The following PAPPA2 variants were observed in gnomAD, a reference collection of about 807,000 sequenced individuals.
PAPPA2 encodes pappalysin 2.
PAPPA2 carries 86 observed loss-of-function variants against 176.4 expected under a neutral mutation model. The observed-to-expected ratio is 0.49, with a 90% confidence interval of 0.41 to 0.58. The LOEUF (loss-of-function observed/expected upper bound fraction) is 0.58. Ranked by LOEUF, PAPPA2 falls within the 20% of genes least tolerant of loss-of-function variation. The probability of loss-of-function intolerance (pLI) is 0.00; values close to 1 mark genes in which losing one functional copy is unlikely to be tolerated. For synonymous variants in PAPPA2, 809 were observed against 852.2 expected, an observed-to-expected ratio of 0.95 and a Z score of 0.88; for missense variants, 2,073 against 2,256.9, an observed-to-expected ratio of 0.92 and a Z score of 1.65.
At chr1:176,565,292 T>C (rs1651899118) in intron 2 of PAPPA2, among the ~76,000 whole-genome samples, 1 of 152,178 alleles carries the variant, frequency 6.6e-6, no homozygotes, top group African/African-American at 2.4e-5. Context: ...GGTCATATGG[T>C]TGCTATATAT....
intron 1 of PAPPA2, among the ~76,000 whole-genome samples, chr1:176,475,607 G>C (rs1264581610): frequency 3.3e-5 from 5 of 152,192 alleles, no homozygotes; most frequent in Non-Finnish European, 5.9e-5. Context: ...AAAAATGCCA[G>C]ACATATTTAC....
chr1:176,704,307 A>G (rs933042457), intron 9 of PAPPA2, among the ~76,000 whole-genome samples: 2 of 152,200 alleles, frequency 1.3e-5, no homozygotes, highest in African/African-American at 4.8e-5. Flanking sequence ...TAGCACTTCC[A>G]TCCAATGGGA....
intron 3 of PAPPA2, among the ~76,000 whole-genome samples, chr1:176,661,612 C>T (rs543616169): frequency 4.0e-5 from 6 of 151,046 alleles, no homozygotes; most frequent in Admixed American, 2.0e-4. Flanking sequence ...TGGCTGGATG[C>T]GGGAACACTA....
At chr1:176,741,722 G>A (rs554308822) in intron 14 of PAPPA2, among the ~76,000 whole-genome samples, 3 of 152,118 alleles carry the variant, frequency 2.0e-5, no homozygotes, top group Admixed American at 1.3e-4. Flanking sequence ...ACAGTAAGGG[G>A]TAATGAATGT....
At position 176,631,711 on chromosome 1, in the gene PAPPA2, C is replaced by T. The variant is rs137875478; in HGVS notation, c.1991+36116C>T. 1.4e-4 allele frequency among the ~76,000 whole-genome samples: 21 copies of T among 151,998 alleles called. 1 individual carries two copies. The East Asian group carries it at 2.5e-3, about 18-fold the overall frequency. On this transcript the variant is annotated intron_variant, in intron 3 of 22. Transcript: ENST00000367662. ...AGGAGGAGTGAAATACAGATGACAGCGGGTAAGAGTGAATGGAAAGTGAAA... is the reference window on the plus strand; with the variant it reads ...AGGAGGAGTGAAATACAGATGACAGTGGGTAAGAGTGAATGGAAAGTGAAA...
chr1:176,729,012 G>C (rs368698585), intron 12 of PAPPA2, among the ~76,000 whole-genome samples: 8 of 151,786 alleles, frequency 5.3e-5, no homozygotes, highest in African/African-American at 1.7e-4. Context: ...ATGGGGTATA[G>C]CATCCTTTAC....
At chr1:176,573,021 G>C (rs1638737244) in intron 2 of PAPPA2, among the ~76,000 whole-genome samples, 1 of 152,162 alleles carries the variant, frequency 6.6e-6, no homozygotes, top group African/African-American at 2.4e-5. Flanking sequence ...CCGGGAAATT[G>C]GTGTGGTGCT....
chr1:176,811,025 T>G (rs953279326), intron 21 of PAPPA2, among the ~76,000 whole-genome samples: 4 of 152,182 alleles, frequency 2.6e-5, no homozygotes, highest in Non-Finnish European at 5.9e-5. Flanking sequence ...TATTACACTT[T>G]AGTAATATAT....
intron 1 of PAPPA2, among the ~76,000 whole-genome samples, chr1:176,501,612 A>G (rs1647966996): frequency 6.6e-6 from 1 of 152,194 alleles, no homozygotes; most frequent in Non-Finnish European, 1.5e-5. Flanking sequence ...CCAGTAAGAA[A>G]TGGGGAAGCC....
chr1:176,787,194 A>G (rs1312915257), intron 17 of PAPPA2, among the ~76,000 whole-genome samples: 2 of 152,226 alleles, frequency 1.3e-5, no homozygotes, highest in Admixed American at 6.5e-5. Context: ...GCTAGAAGAT[A>G]CATGTCCACA....
chr1:176,556,608 A>C lies in PAPPA2; in HGVS notation c.286A>C (p.Lys96Gln). The C allele has an allele frequency of 6.2e-7, 1 of 1,614,222 alleles. No individual in the cohort carries two copies. The highest frequency in any genetic ancestry group is 8.5e-7 in the Non-Finnish European group (1 of 1,180,038). Residue 96 changes from lysine to glutamine, a missense_variant, in exon 2 of 23, where the codon AAA (lysine) becomes CAA (glutamine). Coordinates refer to ENST00000367662, the MANE Select transcript of PAPPA2 (RefSeq NM_020318.3). ...AGAAATCCATCATACAGGACGCAGC[A>C]AACCAGACACTGAAGGAAATGCTGT... is the stretch of plus-strand genomic sequence containing the variant. ...EQEIHHTGRS[K>Q]PDTEGNAVSL... is the part of the protein sequence containing the mutation.
At chr1:176,544,570 G>A (rs1195493928) in intron 1 of PAPPA2, among the ~76,000 whole-genome samples, 2 of 152,056 alleles carry the variant, frequency 1.3e-5, no homozygotes, top group Admixed American at 6.6e-5. Context: ...ATTGAGTGGC[G>A]TTTTCTTTCA....
At chr1:176,605,867 G>A (rs953652675) in intron 3 of PAPPA2, among the ~76,000 whole-genome samples, 1 of 152,044 alleles carries the variant, frequency 6.6e-6, no homozygotes, top group Non-Finnish European at 1.5e-5. Flanking sequence ...ACTACTTGAG[G>A]ATGAAGCTTC....
At chr1:176,586,727 A>G (rs991168085) in intron 2 of PAPPA2, among the ~76,000 whole-genome samples, 5 of 152,122 alleles carry the variant, frequency 3.3e-5, no homozygotes, top group Admixed American at 1.3e-4. Flanking sequence ...TGTCTTTGCT[A>G]TTGTAAATAG....
intron 3 of PAPPA2, among the ~76,000 whole-genome samples, chr1:176,628,577 T>C (rs1004155916): frequency 6.6e-6 from 1 of 152,160 alleles, no homozygotes; most frequent in Non-Finnish European, 1.5e-5. Context: ...TGTAATGCTA[T>C]TGTTTAATTA....
At chr1:176,706,497 T>C (rs773642541) in intron 10 of PAPPA2, 47 bp downstream of exon 10, 30 of 1,522,512 alleles carry the variant, frequency 2.0e-5, no homozygotes, top group Non-Finnish European at 2.7e-5. Context: ...CTTTTAGAGG[T>C]GTATTATTTT....
At chr1:176,563,503 C>T (rs527646176) in intron 2 of PAPPA2, among the ~76,000 whole-genome samples, 1 of 152,214 alleles carries the variant, frequency 6.6e-6, no homozygotes, top group African/African-American at 2.4e-5. Context: ...GGCACACATC[C>T]ACACCCATGT....
intron 12 of PAPPA2, among the ~76,000 whole-genome samples, chr1:176,736,743 A>G (rs1181206427): frequency 1.3e-5 from 2 of 150,892 alleles, no homozygotes; most frequent in Non-Finnish European, 3.0e-5. Flanking sequence ...GATTTTTAAT[A>G]AATACATTTT....
chr1:176,552,215 C>T (rs754128239), intron 1 of PAPPA2, among the ~76,000 whole-genome samples: 112 of 151,378 alleles, frequency 7.4e-4, no homozygotes, highest in Non-Finnish European at 1.2e-3. Context: ...TTTCATTCTT[C>T]CCTCTTCTCT....
Sources: allele counts gnomAD v4.1 joint callset (sites outside exome capture counted in the v4.1 genomes callset), GRCh38; gene constraint gnomAD v4.1.1; transcripts MANE v1.5; gene names NCBI Gene and HGNC (gene_info 2026-07-23, HGNC 2026-07-21).